NAGPA: variants seen among roughly 807,000 people sequenced by gnomAD.
The protein encoded by NAGPA is N-acetylglucosamine-1-phosphodiester alpha-N-acetylglucosaminidase.
Under a neutral mutation model 48.5 loss-of-function variants are expected in NAGPA, and 56 were observed. That is an observed-to-expected ratio of 1.15 (90% confidence interval 0.93 to 1.44). The LOEUF (loss-of-function observed/expected upper bound fraction) is 1.44. NAGPA is among the 40% of genes most tolerant of loss of function. NAGPA has a pLI of 0.00. For synonymous variants in NAGPA, 399 were observed against 315.5 expected, an observed-to-expected ratio of 1.26 and a Z score of -2.81; for missense variants, 888 against 735.0, an observed-to-expected ratio of 1.21 and a Z score of -2.41.
Position 5,025,489 on chromosome 16 carries a change from AGGGGTTGT to A in NAGPA, c.1529_1536del (p.His510LeufsTer169), listed in dbSNP as rs1233334921. 3.1e-6 allele frequency: 5 copies of A among 1,612,024 alleles called. No homozygotes were observed. Among genetic ancestry groups the A allele is most frequent in the Admixed American group, 1.7e-5 (1 of 60,004 alleles). ...GGCAGCTTGAGGCTTCAGTCCTTGA[AGGGGTTGT>A]GGGCGCCCCCTGGCTGCTCCTTCTC... On this transcript the variant is annotated frameshift_variant, in exon 10 of 10. Transcript: ENST00000312251. LOFTEE classifies it high-confidence loss of function.
rs1273273612 is a variant in NAGPA at position 5,028,873 on chromosome 16, TGC to T, written c.920+5_920+6del. The T allele has an allele frequency of 2.5e-6, 4 of 1,613,854 alleles. No homozygotes were observed. The African/African-American group carries it at 5.3e-5, about 22-fold the overall frequency. On this transcript the variant is annotated splice_donor_5th_base_variant and intron_variant, in intron 5 of 9. Transcript: ENST00000312251. The stretch of plus-strand genomic sequence containing the variant: ...AGCCCTCACGAAGGCGGCTCTCACG[TGC>T]TTACCAGTGATCTGACGGGTAACTG...
chr16:5,029,195 T>C (rs1956059649), intron 4 of NAGPA, 187 bp from the exon 5 acceptor site: 1 of 920,150 alleles, frequency 1.1e-6, no homozygotes, highest in South Asian at 1.5e-5. Flanking sequence ...CCCATGCCTG[T>C]GCTGTTACAT....
At chr16:5,029,034 G>A (rs889772680) in intron 4 of NAGPA, 26 bp from the exon 5 acceptor site, 1 of 1,610,822 alleles carries the variant, frequency 6.2e-7, no homozygotes, top group African/African-American at 1.3e-5. Context: ...GCGCTGCTCA[G>A]GCTCAGCGCC....
chr16:5,027,951 A>T, intron 6 of NAGPA, 29 bp downstream of exon 6: 1 of 1,613,802 alleles, frequency 6.2e-7, no homozygotes, highest in African/African-American at 1.3e-5. Flanking sequence ...AGGGCTGGGC[A>T]GAGCCCCCTC....
In NAGPA at chr16:5,027,890, C is replaced by T; in HGVS notation, c.1130G>A (p.Gly377Asp). 6.3e-7 allele frequency: 1 copy of T among 1,591,906 alleles called. No individual in the cohort carries two copies. The highest frequency in any genetic ancestry group is 8.5e-7 in the Non-Finnish European group (1 of 1,169,844). The change falls in exon 7 of 10, where the codon GGC becomes GAC. Residue 377 changes from glycine (G) to aspartate (D), a missense_variant. Physicochemically the swap from Gly to Asp is moderately conservative, Grantham distance 94. Coordinates refer to ENST00000312251, the MANE Select transcript of NAGPA (RefSeq NM_016256.4). The part of the protein sequence containing the change: ...CSQHGLCTET[G>D]CRCDAGWTGS... ...GGTCCATCCGGCATCACAGCGGCAG[C>T]CGGCTGCCGAGACAAGACCGGGGAG...
rs781388462 is a variant in NAGPA at position 5,033,304 on chromosome 16, C to A, written c.511G>T (p.Gly171Trp). ...SSGGLQNAQF[G>W]IRRDGTLVTG... is the part of the protein sequence containing the mutation. ...ACCAGGGTCCCGTCGCGGCGGATCC[C>A]GAACTGCGCGTTCTGCAGCCCCCCG... Residue 171 changes from glycine to tryptophan, a missense_variant, in exon 2 of 10, where the codon GGG (glycine) becomes TGG (tryptophan). Transcript: ENST00000312251. This position sits in a 1 kb window ranked among gnomAD's most constrained non-coding sequence, Gnocchi z 4.2. 4 of 1,596,736 alleles carry A rather than the reference C, an allele frequency of 2.5e-6. No homozygotes were observed. The highest frequency in any genetic ancestry group is 1.7e-6 in the Non-Finnish European group (2 of 1,179,214).
intron 3 of NAGPA, 54 bp from the exon 4 acceptor site, chr16:5,030,547 T>C: frequency 7.1e-7 from 1 of 1,410,092 alleles, no homozygotes; most frequent in East Asian, 2.5e-5. Context: ...CTCCTGCTTC[T>C]TGCCTAACTC....
chr16:5,029,632 A>C (rs534255988), intron 4 of NAGPA: 69 of 162,240 alleles, frequency 4.3e-4, no homozygotes, highest in Admixed American at 7.0e-4. Context: ...TACTAAAAAT[A>C]CAAAAATTAG....
Position 5,025,396 on chromosome 16 carries a change from G to A in NAGPA, c.*82C>T. ...GAGGACACCCAGATGGTCCACGCCA[G>A]TGGCCTTGAAATTTCCCCTGCAGAA... On this transcript the variant is annotated 3_prime_UTR_variant, in exon 10 of 10. Transcript: ENST00000312251. 1.9e-6 allele frequency: 3 copies of A among 1,538,698 alleles called. No individual in the cohort carries two copies. Among genetic ancestry groups the A allele is most frequent in the Non-Finnish European group, 2.7e-6 (3 of 1,124,682 alleles).
rs1567141685 is a variant in NAGPA at position 5,031,821 on chromosome 16, G to GGT, written c.605_606insAC (p.Val203ProfsTer4). 6.2e-7 allele frequency: 1 copy of GGT among 1,614,062 alleles called. No homozygotes were observed. Among genetic ancestry groups the GGT allele is most frequent in the Non-Finnish European group, 8.5e-7 (1 of 1,180,014 alleles). ...TGCTTCCATTACGAATCAGCCACAC[G>GGT]ACCCCACTCAGCAGCTGCACAAATG... is the stretch of plus-strand genomic sequence containing the variant. On this transcript the variant is annotated frameshift_variant, in exon 3 of 10. Transcript: ENST00000312251. LOFTEE classifies it high-confidence loss of function.
chr16:5,033,606 G>C lies in NAGPA; in HGVS notation c.209C>G (p.Thr70Ser). 6.7e-7 allele frequency: 1 copy of C among 1,501,620 alleles called. No individual in the cohort carries two copies. The highest frequency in any genetic ancestry group is 8.8e-7 in the Non-Finnish European group (1 of 1,138,036). 93.0% of individuals were successfully genotyped at this position (1,501,620 alleles called of 1,614,324 possible). A position where few individuals can be genotyped will look rare whatever the true frequency, so the allele number is the denominator to read the frequency against. Residue 70 changes from threonine to serine, a missense_variant, in exon 2 of 10, where the codon ACT (threonine) becomes AGT (serine). By Grantham distance (58) the Thr-to-Ser change is moderately conservative. Transcript: ENST00000312251. This position sits in a 1 kb window ranked among gnomAD's most constrained non-coding sequence, Gnocchi z 4.2. ...EHESWPPPPA[T>S]PGAGGLAVRT... ...CACGGCCAGACCGCCGGCGCCGGGA[G>C]TCGCGGGAGGCGGAGGCCAACTCTC...
At chr16:5,029,465 A>G (rs12599777) in intron 4 of NAGPA, 47,136 of 251,398 alleles carry the variant, frequency 0.19, 5,927 homozygotes, top group East Asian at 0.45. Context: ...ACAACTGAGG[A>G]GGCGACGGGG....
Position 5,025,778 on chromosome 16 carries a change from T to C in NAGPA, c.1341-93A>G, listed in dbSNP as rs1377931602. On this transcript the variant is annotated intron_variant, in intron 9 of 9. Coordinates refer to ENST00000312251, the MANE Select transcript of NAGPA (RefSeq NM_016256.4). ...GGGGCTTCCCTCTACCCGGCATAGATAGCACTAAATCAGGTGCCTCCAGGG... is the reference window on the plus strand; with the variant it reads ...GGGGCTTCCCTCTACCCGGCATAGACAGCACTAAATCAGGTGCCTCCAGGG... 7.5e-6 allele frequency: 10 copies of C among 1,334,786 alleles called. No individual in the cohort carries two copies. The East Asian group carries it at 2.5e-4, about 34-fold the overall frequency. The allele number at this position is 1,334,786 out of a possible 1,614,324, so 82.7% of individuals were successfully genotyped here. A position where few individuals can be genotyped will look rare whatever the true frequency, so the allele number is the denominator to read the frequency against.
intron 9 of NAGPA, among the ~76,000 whole-genome samples, chr16:5,026,523 G>C (rs567784002): frequency 1.1e-3 from 164 of 151,988 alleles, no homozygotes; most frequent in African/African-American, 3.6e-3. Context: ...AACAGAGTGA[G>C]ACCCCGTCTC....
In NAGPA at chr16:5,033,566, C is replaced by T; in HGVS notation, c.249G>A (p.Ser83=). 2 of 1,503,630 alleles carry T rather than the reference C, an allele frequency of 1.3e-6. No individual in the cohort carries two copies. The highest frequency in any genetic ancestry group is 2.6e-5 in the East Asian group (1 of 38,824). 93.1% of individuals were successfully genotyped at this position (1,503,630 alleles called of 1,614,324 possible). A position where few individuals can be genotyped will look rare whatever the true frequency, so the allele number is the denominator to read the frequency against. The change falls in exon 2 of 10, where the codon TCG becomes TCA. Residue 83 remains serine, a synonymous_variant. Coordinates refer to ENST00000312251, the MANE Select transcript of NAGPA (RefSeq NM_016256.4). This position sits in a 1 kb window ranked among gnomAD's most constrained non-coding sequence, Gnocchi z 4.2. ...CGGCCACCGCGCGGTCCCTGAAGTG[C>T]GACACGAAGGTGCGCACGGCCAGAC... ...AGGLAVRTFV[S]HFRDRAVAGH... is the part of the protein sequence containing the mutation.
intron 5 of NAGPA, 83 bp from the exon 6 acceptor site, chr16:5,028,268 T>A (rs959903761): frequency 1.3e-5 from 18 of 1,340,712 alleles, no homozygotes; most frequent in African/African-American, 2.1e-5. Context: ...ACCACCCCTC[T>A]CTCCATTCTC....
Position 5,025,433 on chromosome 16 carries a change from G to T in NAGPA, c.*45C>A. On this transcript the variant is annotated 3_prime_UTR_variant, in exon 10 of 10. Coordinates refer to ENST00000312251, the MANE Select transcript of NAGPA (RefSeq NM_016256.4). ...TTTCCCCTGCAGAAGCCAGACCGTGGGGAAACAAGCTTTCGCGACGTGCCA... is the reference window on the plus strand; with the variant it reads ...TTTCCCCTGCAGAAGCCAGACCGTGTGGAAACAAGCTTTCGCGACGTGCCA... The T allele has an allele frequency of 6.2e-7, 1 of 1,604,478 alleles. No homozygotes were observed.
intron 3 of NAGPA, chr16:5,031,245 T>G (rs1038996516): frequency 9.8e-6 from 2 of 203,796 alleles, no homozygotes; most frequent in Non-Finnish European, 2.0e-5. Context: ...TACTGCCCAC[T>G]CTAAAATGGT....
chr16:5,025,811 A>G, intron 9 of NAGPA, 126 bp from the exon 10 acceptor site: 1 of 982,410 alleles, frequency 1.0e-6, no homozygotes, highest in South Asian at 1.4e-5. Flanking sequence ...GGGACCACAC[A>G]GGGAATGTTA....
Sources: gnomAD v4.1 joint callset for allele counts (sites outside exome capture counted in the v4.1 genomes callset) on GRCh38, gnomAD v4.1.1 for gene constraint, Gnocchi (gnomAD v3.1) non-coding constraint, MANE v1.5 for transcripts, NCBI Gene and HGNC (gene_info 2026-07-23, HGNC 2026-07-21) for gene names.